DYNC2I2: variants seen among roughly 807,000 people sequenced by gnomAD.
DYNC2I2 encodes dynein 2 intermediate chain 2, also known as cytoplasmic dynein 2 intermediate chain 2.
Under a neutral mutation model 52.0 loss-of-function variants are expected in DYNC2I2, and 39 were observed. The ratio of observed to expected loss-of-function variants is 0.75; its 90% CI spans 0.58 to 0.98. DYNC2I2 has a LOEUF of 0.98. Among genes scored for constraint, DYNC2I2 ranks in the 50% least tolerant of loss-of-function variants. The pLI is 0.00. For synonymous variants in DYNC2I2, 359 were observed against 321.1 expected, an observed-to-expected ratio of 1.12 and a Z score of -1.26; for missense variants, 743 against 728.4, an observed-to-expected ratio of 1.02 and a Z score of -0.23.
chr9:128,680,313 G>A, the DYNC2I2 span, among the ~76,000 whole-genome samples: 1 of 151,664 alleles, frequency 6.6e-6, no homozygotes, highest in Admixed American at 6.6e-5. Flanking sequence ...CTCCAGCCTC[G>A]GCCTCCCAAA....
chr9:128,634,279 G>GCAAA lies in DYNC2I2; in HGVS notation c.1315_1318dup (p.Ala440ValfsTer21). The GCAAA allele has an allele frequency of 6.2e-7, 1 of 1,613,914 alleles. No individual in the cohort carries two copies. The highest frequency in any genetic ancestry group is 1.3e-5 in the African/African-American group (1 of 75,058). On this transcript the variant is annotated frameshift_variant, in exon 8 of 9. Transcript: ENST00000372715. LOFTEE classifies it high-confidence loss of function. ...GGGCCGCACTGGGGACCAGCGCACA[G>GCAAA]CAAACAGATACTTGAGGGAGAGCTG...
chr9:128,681,331 T>C, the DYNC2I2 span, among the ~76,000 whole-genome samples: 146 of 152,126 alleles, frequency 9.6e-4, 2 homozygotes, highest in East Asian at 0.025. Flanking sequence ...CCTCAGGTGA[T>C]CCACCTGCCT....
intron 1 of DYNC2I2, among the ~76,000 whole-genome samples, chr9:128,641,438 A>C (rs1423331684): frequency 6.6e-6 from 1 of 152,132 alleles, no homozygotes; most frequent in African/African-American, 2.4e-5. Flanking sequence ...ATGAGCTGCT[A>C]GGTGGGAGGC....
At chr9:128,639,944 G>A (rs974846505) in intron 2 of DYNC2I2, among the ~76,000 whole-genome samples, 1 of 151,430 alleles carries the variant, frequency 6.6e-6, no homozygotes, top group Non-Finnish European at 1.5e-5. Context: ...GGGATTACAG[G>A]CGTGAGCCAC....
At chr9:128,680,177 C>T in the DYNC2I2 span, among the ~76,000 whole-genome samples, 1 of 151,956 alleles carries the variant, frequency 6.6e-6, no homozygotes, top group Non-Finnish European at 1.5e-5. Flanking sequence ...TTTTGTGCCT[C>T]AGCCTCCCAA....
At position 128,633,886 on chromosome 9, in the gene DYNC2I2, A is replaced by G; in HGVS notation, c.1469T>C (p.Phe490Ser). Residue 490 changes from phenylalanine to serine, a missense_variant, in exon 9 of 9, where the codon TTC becomes TCC. Coordinates refer to ENST00000372715, the MANE Select transcript of DYNC2I2 (RefSeq NM_052844.4). ...CAAGAGCTGAGTCTGCTGGCTGTTG[A>G]ACTCCAGACAGTAGACAGGGCTTTC... is the stretch of plus-strand genomic sequence containing the variant. ...QDESPVYCLEFNSQQTQLLAA... is the reference protein window; with the variant it reads ...QDESPVYCLESNSQQTQLLAA... 6.2e-7 allele frequency: 1 copy of G among 1,613,440 alleles called. No homozygotes were observed. Among genetic ancestry groups the G allele is most frequent in the East Asian group, 2.2e-5 (1 of 44,884 alleles).
chr9:128,640,880 ATGATTCCTGGCCTGGGCGGATGC>A lies in DYNC2I2; in HGVS notation c.223_245del (p.Ala75CysfsTer22). Reference sequence around the variant, plus strand: ...CCTCCGTCTGCACCTGGGCGTCCACATGATTCCTGGCCTGGGCGGATGCACTGGCAGTGGCAATGCTGGCCGTC... The same window carrying A: ...CCTCCGTCTGCACCTGGGCGTCCACAACTGGCAGTGGCAATGCTGGCCGTC... On this transcript the variant is annotated frameshift_variant, in exon 2 of 9. Transcript: ENST00000372715. LOFTEE classifies it high-confidence loss of function. The A allele has an allele frequency of 6.2e-7, 1 of 1,613,232 alleles. No individual in the cohort carries two copies. The highest frequency in any genetic ancestry group is 2.2e-5 in the East Asian group (1 of 44,876).
intron 1 of DYNC2I2, among the ~76,000 whole-genome samples, chr9:128,646,449 T>C (rs1860619312): frequency 6.6e-6 from 1 of 152,194 alleles, no homozygotes; most frequent in African/African-American, 2.4e-5. Flanking sequence ...ACCCAGGTGA[T>C]CAGCCTGCCT....
chr9:128,653,509 T>TA (rs1338895834), intron 1 of DYNC2I2, among the ~76,000 whole-genome samples: 1 of 145,234 alleles, frequency 6.9e-6, no homozygotes, highest in African/African-American at 2.6e-5. Context: ...GGTCAGGAGA[T>TA]AAAGACTATC....
upstream of DYNC2I2, among the ~76,000 whole-genome samples, chr9:128,660,092 C>CATT (rs1209761528): frequency 3.3e-5 from 5 of 150,372 alleles, no homozygotes; most frequent in African/African-American, 1.2e-4. Flanking sequence ...CCTCAAAACT[C>CATT]ATTATTATTA....
the DYNC2I2 span, among the ~76,000 whole-genome samples, chr9:128,662,848 G>C: frequency 3.9e-5 from 6 of 152,078 alleles, no homozygotes; most frequent in African/African-American, 9.7e-5. Context: ...ACAGGAGTGA[G>C]CCACTGCACC....
At chr9:128,640,971 C>T (rs1195030161) in intron 1 of DYNC2I2, 32 bp from the exon 2 acceptor site, 2 of 1,555,514 alleles carry the variant, frequency 1.3e-6, no homozygotes, top group African/African-American at 2.7e-5. Flanking sequence ...GTGTCACCAC[C>T]CAGCTGTCCT....
At chr9:128,671,063 G>C in the DYNC2I2 span, among the ~76,000 whole-genome samples, 1 of 53,538 alleles carries the variant, frequency 1.9e-5, no homozygotes, top group African/African-American at 7.0e-5. Flanking sequence ...GCGAAACTCC[G>C]TCTCAAAAAA....
chr9:128,662,244 A>G, the DYNC2I2 span, among the ~76,000 whole-genome samples: 2 of 151,772 alleles, frequency 1.3e-5, no homozygotes, highest in African/African-American at 4.8e-5. Context: ...GGGAAAAAAA[A>G]AAAGAGCCTG....
At chr9:128,655,962 C>A (rs1159093795) in intron 1 of DYNC2I2, among the ~76,000 whole-genome samples, 1 of 146,102 alleles carries the variant, frequency 6.8e-6, no homozygotes, top group Non-Finnish European at 1.5e-5. Context: ...AATCCCAGCA[C>A]TTTGGGAGGC....
At chr9:128,654,524 A>G (rs1191247812) in intron 1 of DYNC2I2, among the ~76,000 whole-genome samples, 1 of 151,736 alleles carries the variant, frequency 6.6e-6, no homozygotes, top group Non-Finnish European at 1.5e-5. Flanking sequence ...TGCCTCCTCA[A>G]ACAGACAGAT....
the DYNC2I2 span, among the ~76,000 whole-genome samples, chr9:128,680,210 G>A: frequency 6.6e-6 from 1 of 151,834 alleles, no homozygotes; most frequent in African/African-American, 2.4e-5. Flanking sequence ...ACAGGCATGT[G>A]CCACCACACC....
chr9:128,681,316 C>T, the DYNC2I2 span, among the ~76,000 whole-genome samples: 1 of 152,066 alleles, frequency 6.6e-6, no homozygotes, highest in Non-Finnish European at 1.5e-5. Flanking sequence ...GTCTTAAACT[C>T]CTGACCTCAG....
At chr9:128,643,288 A>G (rs192893458) in intron 1 of DYNC2I2, among the ~76,000 whole-genome samples, 13 of 152,270 alleles carry the variant, frequency 8.5e-5, no homozygotes, top group African/African-American at 2.6e-4. Context: ...GCACTCTGGG[A>G]GGCTGAGGCG....
Sources: gnomAD v4.1 joint callset for allele counts (sites outside exome capture counted in the v4.1 genomes callset) on GRCh38, gnomAD v4.1.1 for gene constraint, MANE v1.5 for transcripts, NCBI Gene and HGNC (gene_info 2026-07-23, HGNC 2026-07-21) for gene names.